The following PAK2 variants were observed in gnomAD, a reference collection of about 807,000 sequenced individuals.
The protein encoded by PAK2 is p21 (RAC1) activated kinase 2, also known as serine/threonine-protein kinase PAK 2.
PAK2 carries 21 observed loss-of-function variants against 65.9 expected under a neutral mutation model. The observed-to-expected ratio is 0.32, with a 90% CI of 0.23 to 0.46. PAK2 has a LOEUF of 0.46. Ranked by LOEUF, PAK2 falls within the 20% of genes least tolerant of loss-of-function variation. The pLI is 1.00. For synonymous variants in PAK2, 204 were observed against 219.7 expected (o/e 0.93, Z 0.63); for missense variants, 324 against 642.6 (o/e 0.50, Z 5.36).
intron 10 of PAK2, among the ~76,000 whole-genome samples, chr3:196,814,040 G>A (rs1042243399): frequency 1.3e-5 from 2 of 152,172 alleles, no homozygotes; most frequent in Admixed American, 1.3e-4. Context: ...GTTAAGATAA[G>A]CCAGGGGCTT....
intron 1 of PAK2, among the ~76,000 whole-genome samples, chr3:196,752,849 C>T (rs1713650409): frequency 6.6e-6 from 1 of 151,992 alleles, no homozygotes; most frequent in Non-Finnish European, 1.5e-5. Flanking sequence ...GCCTTGGCCT[C>T]CCAAAGGGCT....
chr3:196,762,341 C>T (rs1714006255), intron 1 of PAK2, among the ~76,000 whole-genome samples: 1 of 138,374 alleles, frequency 7.2e-6, no homozygotes, highest in Admixed American at 7.2e-5. Flanking sequence ...GAGGCCAAGG[C>T]AGGCGGCTGG....
intron 1 of PAK2, among the ~76,000 whole-genome samples, chr3:196,766,289 G>A (rs1714166228): frequency 6.6e-6 from 1 of 152,078 alleles, no homozygotes; most frequent in African/African-American, 2.4e-5. Flanking sequence ...ATACATCATG[G>A]TAGCTGACAA....
At chr3:196,751,741 CTTTT>C (rs200558658) in intron 1 of PAK2, among the ~76,000 whole-genome samples, 26,872 of 75,276 alleles carry the variant, frequency 0.36, 5,052 homozygotes, top group Non-Finnish European at 0.43. Flanking sequence ...AAATGAATTT[CTTTT>C]TTTTTTTTTT....
intron 1 of PAK2, among the ~76,000 whole-genome samples, chr3:196,781,010 G>A (rs919891674): frequency 7.9e-5 from 12 of 152,070 alleles, no homozygotes; most frequent in East Asian, 1.9e-4. Context: ...GGATGGTCTC[G>A]ATCTCCTGAC....
intron 10 of PAK2, among the ~76,000 whole-genome samples, chr3:196,813,090 C>T (rs1416796039): frequency 2.0e-5 from 3 of 152,084 alleles, no homozygotes; most frequent in African/African-American, 7.2e-5. Context: ...GGTGTTTATA[C>T]TCATCGCAAA....
intron 1 of PAK2, among the ~76,000 whole-genome samples, chr3:196,772,939 A>T (rs546833835): frequency 6.6e-6 from 1 of 152,220 alleles, no homozygotes; most frequent in African/African-American, 2.4e-5. Flanking sequence ...TGTGTTTTTC[A>T]GTAATAGATG....
At chr3:196,810,885 C>T (rs1178018774) in intron 8 of PAK2, among the ~76,000 whole-genome samples, 1 of 151,804 alleles carries the variant, frequency 6.6e-6, no homozygotes, top group African/African-American at 2.4e-5. Context: ...GTGTCATTTC[C>T]CATCTGTGAT....
At chr3:196,767,410 G>GA (rs1714205132) in intron 1 of PAK2, among the ~76,000 whole-genome samples, 1 of 89,492 alleles carries the variant, frequency 1.1e-5, no homozygotes, top group Non-Finnish European at 2.7e-5. Flanking sequence ...ATTTTAGGAG[G>GA]AAAAAATCAA....
chr3:196,759,525 T>TG (rs1560092902), intron 1 of PAK2, among the ~76,000 whole-genome samples: 6 of 131,688 alleles, frequency 4.6e-5, no homozygotes, highest in Non-Finnish European at 8.1e-5. Context: ...TTTTTTTTTT[T>TG]TTTTTTTTTT....
At chr3:196,762,660 TGAGAGGGAGACCGTGGGGAGAGGGAGAGG>T (rs1299950347) in intron 1 of PAK2, among the ~76,000 whole-genome samples, 2 of 150,238 alleles carry the variant, frequency 1.3e-5, no homozygotes, top group African/African-American at 4.9e-5. Context: ...CGGCTCCGCA[TGAGAGGGAGACCGTGGGGAGAGGGAGAGG>T]GAGAGGGAGA....
At chr3:196,756,412 C>T (rs1202843781) in intron 1 of PAK2, among the ~76,000 whole-genome samples, 4 of 152,154 alleles carry the variant, frequency 2.6e-5, no homozygotes, top group Middle Eastern at 3.2e-3. Flanking sequence ...CTTTCCAGTG[C>T]GTTCCACTGG....
intron 11 of PAK2, 31 bp from the exon 12 acceptor site, chr3:196,818,026 T>C: frequency 1.1e-6 from 1 of 904,476 alleles, no homozygotes. Context: ...TCAGGGACTA[T>C]TTCATTAATA....
At chr3:196,765,355 G>A (rs1042114315) in intron 1 of PAK2, among the ~76,000 whole-genome samples, 1 of 151,878 alleles carries the variant, frequency 6.6e-6, no homozygotes, top group African/African-American at 2.4e-5. Context: ...TTGCCATGTT[G>A]GCCAGGCTGG....
intron 1 of PAK2, among the ~76,000 whole-genome samples, chr3:196,747,958 C>A (rs1176762895): frequency 6.6e-6 from 1 of 152,080 alleles, no homozygotes; most frequent in Non-Finnish European, 1.5e-5. Context: ...CTCTGCCTAC[C>A]CCCACTCCGC....
At chr3:196,795,789 G>A (rs1442145577) in intron 2 of PAK2, among the ~76,000 whole-genome samples, 1 of 152,152 alleles carries the variant, frequency 6.6e-6, no homozygotes, top group Non-Finnish European at 1.5e-5. Flanking sequence ...AGCCCTTCAG[G>A]CAGAAGGAAG....
At chr3:196,750,865 T>A (rs1043111524) in intron 1 of PAK2, among the ~76,000 whole-genome samples, 1 of 152,216 alleles carries the variant, frequency 6.6e-6, no homozygotes, top group Non-Finnish European at 1.5e-5. Flanking sequence ...TTGCTTTTTT[T>A]AATTGTTGTA....
At chr3:196,785,617 A>C (rs1714861115) in intron 2 of PAK2, among the ~76,000 whole-genome samples, 1 of 152,198 alleles carries the variant, frequency 6.6e-6, no homozygotes. Flanking sequence ...GTTCAAGAGA[A>C]AGAAATATCT....
intron 2 of PAK2, among the ~76,000 whole-genome samples, chr3:196,784,596 T>C (rs1482047420): frequency 7.6e-6 from 1 of 131,416 alleles, no homozygotes; most frequent in Admixed American, 8.1e-5. Context: ...ATGGTGTATA[T>C]GTGCCACATT....
Sources: allele counts gnomAD v4.1 joint callset (sites outside exome capture counted in the v4.1 genomes callset), GRCh38; gene constraint gnomAD v4.1.1; transcripts MANE v1.5; gene names NCBI Gene and HGNC (gene_info 2026-07-23, HGNC 2026-07-21).